The following ZFAT variants were observed in gnomAD, a reference collection of about 807,000 sequenced individuals.
ZFAT encodes the protein zinc finger protein ZFAT.
ZFAT carries 64 observed loss-of-function variants against 117.7 expected under a neutral mutation model. That is an observed-to-expected ratio of 0.54 (90% CI 0.44 to 0.67). ZFAT has a LOEUF of 0.67. Among genes scored for constraint, ZFAT ranks in the 30% least tolerant of loss-of-function variants. ZFAT has a pLI of 0.00. For synonymous variants in ZFAT, 679 were observed against 615.0 expected, an observed-to-expected ratio of 1.10 and a Z score of -1.54; for missense variants, 1,433 against 1,584.5, an observed-to-expected ratio of 0.90 and a Z score of 1.62.
At chr8:134,642,092 CACA>C (rs1830618938) in intron 2 of ZFAT, among the ~76,000 whole-genome samples, 1 of 152,234 alleles carries the variant, frequency 6.6e-6, no homozygotes, top group Non-Finnish European at 1.5e-5. Flanking sequence ...ATGCAGCAAA[CACA>C]ACGTCCTCAA....
intron 11 of ZFAT, among the ~76,000 whole-genome samples, chr8:134,536,444 C>T (rs1821847069): frequency 6.6e-6 from 1 of 152,160 alleles, no homozygotes; most frequent in Non-Finnish European, 1.5e-5. Flanking sequence ...CCTTCACATC[C>T]ATTAGAACCT....
intron 10 of ZFAT, among the ~76,000 whole-genome samples, chr8:134,572,332 T>A (rs1425813282): frequency 2.0e-5 from 3 of 152,244 alleles, no homozygotes; most frequent in Non-Finnish European, 4.4e-5. Flanking sequence ...ATGAACATTG[T>A]TTTCGTGCTG....
chr8:134,725,581 T>C, the ZFAT span, among the ~76,000 whole-genome samples: 1 of 151,902 alleles, frequency 6.6e-6, no homozygotes, highest in African/African-American at 2.4e-5. Context: ...TCACAAAGGA[T>C]CCACCGCCAC....
intron 15 of ZFAT, among the ~76,000 whole-genome samples, chr8:134,484,288 G>T (rs1425336575): frequency 1.3e-5 from 2 of 152,230 alleles, no homozygotes; most frequent in Admixed American, 1.3e-4. Context: ...AGGTGATGGT[G>T]ATTTAGGCTG....
the ZFAT span, among the ~76,000 whole-genome samples, chr8:134,749,926 T>C: frequency 6.6e-6 from 1 of 152,204 alleles, no homozygotes; most frequent in African/African-American, 2.4e-5. Context: ...TCTTGATAAC[T>C]AAAATACTGT....
At chr8:134,640,525 C>T (rs1390510210) in intron 2 of ZFAT, among the ~76,000 whole-genome samples, 1 of 152,178 alleles carries the variant, frequency 6.6e-6, no homozygotes, top group Non-Finnish European at 1.5e-5. Context: ...ACTGGAGACT[C>T]CTCGAAGGCA....
chr8:134,670,602 A>G (rs1276813441), intron 1 of ZFAT, among the ~76,000 whole-genome samples: 1 of 152,274 alleles, frequency 6.6e-6, no homozygotes, highest in Non-Finnish European at 1.5e-5. Flanking sequence ...CATTTAAAGC[A>G]GTGTGTACAG....
intron 3 of ZFAT, among the ~76,000 whole-genome samples, chr8:134,626,581 C>A (rs1252799135): frequency 1.3e-5 from 2 of 152,220 alleles, no homozygotes; most frequent in African/African-American, 4.8e-5. Context: ...CTTCACAATC[C>A]CTGCTGAGCC....
At chr8:134,718,823 A>G in the ZFAT span, among the ~76,000 whole-genome samples, 1 of 152,188 alleles carries the variant, frequency 6.6e-6, no homozygotes, top group East Asian at 1.9e-4. Context: ...TTCAGAAGAG[A>G]AAATAACTAT....
the ZFAT span, among the ~76,000 whole-genome samples, chr8:134,825,815 T>C: frequency 6.6e-6 from 1 of 151,926 alleles, no homozygotes; most frequent in East Asian, 1.9e-4. Flanking sequence ...GGTCAGGAGA[T>C]CAAGACTATC....
At position 134,671,975 on chromosome 8, in the gene ZFAT, G is replaced by C. The variant is rs574190216; in HGVS notation, c.20-14238C>G. 2.3e-3 allele frequency among the ~76,000 whole-genome samples: 351 copies of C among 152,312 alleles called. 1 individual carries two copies. Among genetic ancestry groups the C allele is most frequent in the African/African-American group, 8.2e-3 (340 of 41,570 alleles). ...TACACCAATAACGGACAAACAGAGA[G>C]CCAAATCATGAGTGAACTCCCATTC... On this transcript the variant is annotated intron_variant, in intron 1 of 15. Transcript: ENST00000377838.
chr8:134,709,263 T>C (rs994047191), intron 1 of ZFAT, among the ~76,000 whole-genome samples: 3 of 152,186 alleles, frequency 2.0e-5, no homozygotes, highest in Non-Finnish European at 2.9e-5. Context: ...TGGATGACAA[T>C]GTACTGAGCT....
At chr8:134,644,051 T>C (rs1456098342) in intron 2 of ZFAT, among the ~76,000 whole-genome samples, 1 of 152,190 alleles carries the variant, frequency 6.6e-6, no homozygotes, top group Non-Finnish European at 1.5e-5. Context: ...CCTTTTACCC[T>C]CACATTAGAG....
chr8:134,624,694 C>T (rs1829377142), intron 3 of ZFAT, among the ~76,000 whole-genome samples: 1 of 152,182 alleles, frequency 6.6e-6, no homozygotes, highest in African/African-American at 2.4e-5. Context: ...TTTTCCAGCC[C>T]TACACTCTTA....
upstream of ZFAT, among the ~76,000 whole-genome samples, chr8:134,715,433 GA>G (rs1271647701): frequency 6.6e-6 from 1 of 152,212 alleles, no homozygotes; most frequent in African/African-American, 2.4e-5. Flanking sequence ...TAGGCAGATG[GA>G]AATGACTAAG....
At chr8:134,561,484 T>A (rs1449508062) in intron 11 of ZFAT, among the ~76,000 whole-genome samples, 1 of 152,066 alleles carries the variant, frequency 6.6e-6, no homozygotes, top group Non-Finnish European at 1.5e-5. Context: ...CTAAATAATA[T>A]CAAAAAAATT....
At chr8:134,568,707 C>T (rs1002324100) in intron 10 of ZFAT, among the ~76,000 whole-genome samples, 1 of 152,222 alleles carries the variant, frequency 6.6e-6, no homozygotes, top group African/African-American at 2.4e-5. Context: ...CCATCCCTTA[C>T]TGAAGCATCA....
At chr8:134,479,712 G>A (rs925961173) in intron 15 of ZFAT, among the ~76,000 whole-genome samples, 1 of 152,172 alleles carries the variant, frequency 6.6e-6, no homozygotes, top group Admixed American at 6.5e-5. Flanking sequence ...TGAATGGCAA[G>A]GTGGGGAGAG....
chr8:134,566,263 G>A (rs567448102), intron 10 of ZFAT, among the ~76,000 whole-genome samples: 3 of 151,994 alleles, frequency 2.0e-5, no homozygotes, highest in Non-Finnish European at 4.4e-5. Context: ...GCGCAGTCGC[G>A]GGTGCCTGTA....
Sources: gnomAD v4.1 joint callset for allele counts (sites outside exome capture counted in the v4.1 genomes callset) on GRCh38, gnomAD v4.1.1 for gene constraint, MANE v1.5 for transcripts, NCBI Gene and HGNC (gene_info 2026-07-23, HGNC 2026-07-21) for gene names.